Variants in DDX42 observed in about 807,000 individuals in gnomAD.
DDX42 encodes the protein DEAD-box helicase 42, also known as ATP-dependent RNA helicase DDX42.
DDX42 carries 22 observed loss-of-function variants against 101.5 expected under a neutral mutation model. That is an observed-to-expected ratio of 0.22 (90% CI 0.15 to 0.31). The LOEUF (loss-of-function observed/expected upper bound fraction) is 0.31, where lower values mean the gene tolerates loss of function less well. Among genes scored for constraint, DDX42 ranks in the 10% least tolerant of loss-of-function variants. DDX42 has a pLI of 1.00. For synonymous variants in DDX42, 402 were observed against 401.2 expected (o/e 1.00, Z -0.02); for missense variants, 849 against 1,199.9 (o/e 0.71, Z 4.32).
At chr17:63,800,645 C>G (rs1368972103) in intron 6 of DDX42, 28 bp downstream of exon 6, 1 of 1,608,934 alleles carries the variant, frequency 6.2e-7, no homozygotes, top group African/African-American at 1.3e-5. Context: ...GAATTTTACT[C>G]TTGTTTCAAG....
chr17:63,787,899 C>T (rs1409225880), intron 2 of DDX42, among the ~76,000 whole-genome samples: 1 of 130,090 alleles, frequency 7.7e-6, no homozygotes, highest in African/African-American at 3.3e-5. Flanking sequence ...TTATATAATT[C>T]ATGTGGTTTT....
chr17:63,781,990 A>G (rs1444377944), intron 1 of DDX42, among the ~76,000 whole-genome samples: 3 of 151,718 alleles, frequency 2.0e-5, no homozygotes, highest in Non-Finnish European at 4.4e-5. Context: ...AGCCTGGGCG[A>G]CAGAGTGAGA....
In DDX42 at chr17:63,798,767, T is replaced by C. The variant is rs12952589; in HGVS notation, c.434+668T>C. 7.4e-3 allele frequency among the ~76,000 whole-genome samples: 1,125 copies of C among 152,354 alleles called. 20 individuals are homozygous for C. The highest frequency in any genetic ancestry group is 7.2e-3 in the Non-Finnish European group (488 of 68,028). On this transcript the variant is annotated intron_variant, in intron 4 of 17. Coordinates refer to ENST00000389924, the MANE Select transcript of DDX42 (RefSeq NM_203499.3). ...CTAAGGCTTTTTCTGCCAGTCATGA[T>C]TGGACTTTTTTCTCCCTGTGCTTGG...
intron 3 of DDX42, among the ~76,000 whole-genome samples, chr17:63,793,468 T>C (rs1200056759): frequency 1.3e-5 from 2 of 152,096 alleles, no homozygotes; most frequent in Non-Finnish European, 2.9e-5. Flanking sequence ...AGGTCTTGCT[T>C]TGTTAACCAG....
chr17:63,776,649 T>TG (rs397953419), intron 1 of DDX42, among the ~76,000 whole-genome samples: 2 of 151,556 alleles, frequency 1.3e-5, no homozygotes. Context: ...TTTTTTTTTT[T>TG]GAGATGGTGT....
At position 63,807,689 on chromosome 17, in the gene DDX42, A is replaced by G. The variant is rs2039859589; in HGVS notation, c.847-35A>G. The G allele has an allele frequency of 1.9e-6, 3 of 1,579,390 alleles. No homozygotes were observed. In the East Asian group the frequency reaches 6.8e-5, roughly 36 times the overall value. ...TGCTTCAGTACATCTTTAGAATTGA[A>G]ATTTTAGAGTGGTTATATTTTACTT... On this transcript the variant is annotated intron_variant, in intron 8 of 17. Coordinates refer to ENST00000389924, the MANE Select transcript of DDX42 (RefSeq NM_203499.3).
intron 1 of DDX42, among the ~76,000 whole-genome samples, chr17:63,781,327 C>T (rs1048225415): frequency 2.6e-5 from 4 of 152,134 alleles, no homozygotes; most frequent in African/African-American, 9.7e-5. Context: ...ATGCCTTTCT[C>T]CTGCCTCAGC....
At chr17:63,810,717 C>T (rs2039899706) in intron 12 of DDX42, among the ~76,000 whole-genome samples, 157 bp downstream of exon 12, 1 of 152,124 alleles carries the variant, frequency 6.6e-6, no homozygotes, top group Non-Finnish European at 1.5e-5. Flanking sequence ...TGGACAGGAT[C>T]TTAGCACTAG....
chr17:63,808,052 C>G, intron 9 of DDX42, 152 bp downstream of exon 9: 1 of 703,746 alleles, frequency 1.4e-6, no homozygotes, highest in South Asian at 2.4e-5. Context: ...ATGTACAGTT[C>G]AGTGGCATTA....
intron 12 of DDX42, among the ~76,000 whole-genome samples, 191 bp downstream of exon 12, chr17:63,810,751 A>G (rs1336286717): frequency 6.6e-6 from 1 of 152,212 alleles, no homozygotes. Flanking sequence ...CTTTTTATAG[A>G]TGATAAAACC....
intron 3 of DDX42, among the ~76,000 whole-genome samples, chr17:63,794,076 T>G (rs1274222746): frequency 6.6e-6 from 1 of 152,106 alleles, no homozygotes; most frequent in African/African-American, 2.4e-5. Context: ...ATCTTTATAA[T>G]AGCCCTTGCA....
chr17:63,792,446 G>C lies in DDX42; in HGVS notation c.256G>C (p.Val86Leu). 6.2e-7 allele frequency: 1 copy of C among 1,613,008 alleles called. No individual in the cohort carries two copies. Among genetic ancestry groups the C allele is most frequent in the Non-Finnish European group, 8.5e-7 (1 of 1,179,596 alleles). ...FEDEEEDSSNVDLPYIPAENS... is the reference protein window; with the variant it reads ...FEDEEEDSSNLDLPYIPAENS... ...AGATGAGGAAGAAGATTCTAGCAAC[G>C]TTGATTTACCTTACATTCCTGCTGA... The change falls in exon 3 of 18, where the codon GTT becomes CTT. Residue 86 changes from valine (V) to leucine (L), a missense_variant. Physicochemically the swap from Val to Leu is conservative, Grantham distance 32 (BLOSUM62 1). Around this residue, in one of 5 missense-constraint regions of DDX42, gnomAD observed 92 missense variants for 106.7 expected, o/e 0.86. Transcript: ENST00000389924.
intron 1 of DDX42, among the ~76,000 whole-genome samples, chr17:63,780,395 G>A (rs2039473843): frequency 6.6e-6 from 1 of 152,154 alleles, no homozygotes; most frequent in Non-Finnish European, 1.5e-5. Flanking sequence ...AGGAAGGGTG[G>A]TTAGCTAGAT....
intron 7 of DDX42, chr17:63,805,682 A>C (rs1239973140): frequency 6.5e-6 from 1 of 153,426 alleles, no homozygotes; most frequent in Non-Finnish European, 1.4e-5. Context: ...TAAGGTGCTG[A>C]TAGATGGTAA....
intron 1 of DDX42, among the ~76,000 whole-genome samples, chr17:63,783,987 C>T (rs2144529853): frequency 6.6e-6 from 1 of 152,184 alleles, no homozygotes; most frequent in African/African-American, 2.4e-5. Context: ...TCACTTGAAC[C>T]ATGGAGGCAG....
intron 14 of DDX42, among the ~76,000 whole-genome samples, chr17:63,812,974 G>A (rs777337523): frequency 1.3e-5 from 2 of 152,122 alleles, no homozygotes; most frequent in African/African-American, 4.8e-5. Context: ...GCAGTGAGCC[G>A]AGATCATGGC....
At chr17:63,784,194 C>G (rs568123546) in intron 1 of DDX42, among the ~76,000 whole-genome samples, 2 of 152,298 alleles carry the variant, frequency 1.3e-5, no homozygotes, top group African/African-American at 4.8e-5. Context: ...TGTTTCTGAT[C>G]TCTTCGACAA....
At position 63,808,863 on chromosome 17, in the gene DDX42, G is replaced by A. The variant is rs137904708; in HGVS notation, c.1067G>A (p.Arg356Gln). Residue 356 changes from arginine to glutamine, a missense_variant, in exon 10 of 18, where the codon CGA becomes CAA. Physicochemically the swap from Arg to Gln is conservative, Grantham distance 43. Around this residue, in one of 5 missense-constraint regions of DDX42, gnomAD observed 370 missense variants for 608.8 expected, o/e 0.61. Coordinates refer to ENST00000389924, the MANE Select transcript of DDX42 (RefSeq NM_203499.3). ...CGGTTTGGAAAAGCATATAATCTTCGATCAGTGGCCGTATATGGAGGAGGG... is the reference window on the plus strand; with the variant it reads ...CGGTTTGGAAAAGCATATAATCTTCAATCAGTGGCCGTATATGGAGGAGGG... ...CKRFGKAYNL[R>Q]SVAVYGGGSM... 70 of 1,613,870 alleles carry A rather than the reference G, an allele frequency of 4.3e-5. No individual in the cohort carries two copies. Among genetic ancestry groups the A allele is most frequent in the Non-Finnish European group, 5.8e-5 (68 of 1,179,958 alleles).
chr17:63,775,397 G>A (rs2039407862), intron 1 of DDX42, among the ~76,000 whole-genome samples: 3 of 152,132 alleles, frequency 2.0e-5, no homozygotes. Flanking sequence ...TTCTAGTAGC[G>A]GGAGGAGAGG....
Sources: gnomAD v4.1 joint callset for allele counts (sites outside exome capture counted in the v4.1 genomes callset) on GRCh38, gnomAD v4.1.1 for gene constraint, gnomAD v4.1.1 regional missense constraint, MANE v1.5 for transcripts, NCBI Gene and HGNC (gene_info 2026-07-23, HGNC 2026-07-21) for gene names.